CUL2: variants seen among roughly 807,000 people sequenced by gnomAD.
The protein encoded by CUL2 is cullin 2, also known as cullin-2.
Under a neutral mutation model 110.2 loss-of-function variants are expected in CUL2, and 22 were observed. The observed-to-expected ratio is 0.20, with a 90% CI of 0.14 to 0.28. CUL2 has a LOEUF of 0.28. Ranked by LOEUF, CUL2 falls within the 10% of genes least tolerant of loss-of-function variation. The pLI is 1.00. For missense variants in CUL2, 631 were observed against 905.5 expected, an observed-to-expected ratio of 0.70 and a Z score of 3.89; for synonymous variants, 279 against 293.2, an observed-to-expected ratio of 0.95 and a Z score of 0.49.
chr10:35,105,424 TCAAAAAA>T (rs770196070), intron 1 of CUL2, among the ~76,000 whole-genome samples: 15 of 146,640 alleles, frequency 1.0e-4, no homozygotes, highest in East Asian at 4.1e-4. Context: ...AGACACCGTT[TCAAAAAA>T]CAAAAAACAA....
intron 4 of CUL2, among the ~76,000 whole-genome samples, chr10:35,056,741 A>G (rs1564727949): frequency 3.9e-5 from 6 of 152,208 alleles, no homozygotes; most frequent in Admixed American, 2.6e-4. Context: ...TAATTGTCAT[A>G]TTACCATTTA....
chr10:35,045,466 C>T (rs918053619), intron 6 of CUL2, among the ~76,000 whole-genome samples: 2 of 150,248 alleles, frequency 1.3e-5, no homozygotes, highest in African/African-American at 4.9e-5. Flanking sequence ...GTGGTCCCAG[C>T]TACTCTGGAG....
intron 1 of CUL2, among the ~76,000 whole-genome samples, chr10:35,111,332 G>C (rs1403879221): frequency 2.6e-5 from 4 of 151,636 alleles, no homozygotes; most frequent in African/African-American, 4.8e-5. Flanking sequence ...GCTCACTGCA[G>C]CCTCAAACTC....
At chr10:35,021,812 G>A (rs1016765227) in intron 17 of CUL2, among the ~76,000 whole-genome samples, 6 of 141,042 alleles carry the variant, frequency 4.3e-5, no homozygotes, top group African/African-American at 1.6e-4. Context: ...GAGGAGAGGC[G>A]AGGTGGGGTG....
intron 1 of CUL2, among the ~76,000 whole-genome samples, chr10:35,087,393 G>T (rs1032124558): frequency 6.6e-6 from 1 of 152,144 alleles, no homozygotes; most frequent in African/African-American, 2.4e-5. Flanking sequence ...TAAGTTCCAT[G>T]AAGCCAGAAA....
At chr10:35,011,648 G>A (rs2084904807) in intron 20 of CUL2, among the ~76,000 whole-genome samples, 200 bp downstream of exon 20, 1 of 152,126 alleles carries the variant, frequency 6.6e-6, no homozygotes, top group African/African-American at 2.4e-5. Context: ...TTACAGGCAT[G>A]AGCCACTGTG....
At chr10:35,039,922 G>A (rs532545307) in intron 8 of CUL2, among the ~76,000 whole-genome samples, 2 of 152,280 alleles carry the variant, frequency 1.3e-5, no homozygotes, top group South Asian at 4.1e-4. Flanking sequence ...GGAGGCCGAG[G>A]TGGGTGGATC....
rs748186127 is a variant in CUL2 at position 35,012,131 on chromosome 10, G to A, written c.1990-167C>T. On this transcript the variant is annotated intron_variant, in intron 19 of 20. Transcript: ENST00000374749. Reference sequence around the variant, plus strand: ...TTCAGTGACTCGCTCTCAGCTCACCGCAACCTCCATCTCCTGGGTTCATGT... The same window carrying A: ...TTCAGTGACTCGCTCTCAGCTCACCACAACCTCCATCTCCTGGGTTCATGT... Among the ~76,000 whole-genome samples the A allele has an allele frequency of 4.7e-5, 7 of 147,998 alleles. No individual in the cohort carries two copies. The South Asian group carries it at 6.4e-4, about 13-fold the overall frequency.
chr10:35,032,347 CA>C, intron 12 of CUL2, 87 bp downstream of exon 12: 1 of 1,217,300 alleles, frequency 8.2e-7, no homozygotes. Flanking sequence ...AAAAATGCTA[CA>C]AAAACCAAAT....
intron 1 of CUL2, among the ~76,000 whole-genome samples, chr10:35,102,330 G>A (rs554288976): frequency 9.7e-4 from 147 of 152,208 alleles, no homozygotes; most frequent in African/African-American, 3.3e-3. Flanking sequence ...CCAACACTTC[G>A]GGAAGCCAAG....
chr10:35,024,990 C>A, intron 17 of CUL2, 142 bp downstream of exon 17: 1 of 1,197,652 alleles, frequency 8.3e-7, no homozygotes, highest in Non-Finnish European at 1.1e-6. Flanking sequence ...ACTTGGATTT[C>A]ATTGTTAGTT....
intron 17 of CUL2, among the ~76,000 whole-genome samples, chr10:35,021,336 A>C (rs1159780213): frequency 6.7e-6 from 1 of 150,002 alleles, no homozygotes; most frequent in Non-Finnish European, 1.5e-5. Context: ...GGCTCACTGC[A>C]ATCTCCGCCA....
intron 2 of CUL2, among the ~76,000 whole-genome samples, chr10:35,065,728 A>C (rs1332069676): frequency 6.6e-6 from 1 of 152,098 alleles, no homozygotes; most frequent in African/African-American, 2.4e-5. Flanking sequence ...GTGTGGTGGC[A>C]CATGCCTGTA....
At chr10:35,103,333 A>G (rs11010089) in intron 1 of CUL2, among the ~76,000 whole-genome samples, 1 of 53,380 alleles carries the variant, frequency 1.9e-5, no homozygotes, top group African/African-American at 5.9e-5. Context: ...TTTTTTTTTT[A>G]TTTTTTTTTG....
intron 9 of CUL2, among the ~76,000 whole-genome samples, chr10:35,038,525 C>CAAA (rs61022194): frequency 0.21 from 13,377 of 65,082 alleles, 3,633 homozygotes; most frequent in Middle Eastern, 0.25. Context: ...GACTCTGTCT[C>CAAA]AAAAAAAAAA....
At chr10:35,061,489 A>C (rs1006156780) in intron 3 of CUL2, among the ~76,000 whole-genome samples, 4 of 151,850 alleles carry the variant, frequency 2.6e-5, no homozygotes, top group Non-Finnish European at 5.9e-5. Context: ...TCACACTTAT[A>C]ATGTAACCTA....
chr10:35,034,797 G>A (rs936034945), intron 10 of CUL2, among the ~76,000 whole-genome samples: 1 of 152,138 alleles, frequency 6.6e-6, no homozygotes, highest in Admixed American at 6.5e-5. Flanking sequence ...GATATGGAAA[G>A]GAGGCAAATT....
At chr10:35,063,246 C>A (rs1455086433) in intron 2 of CUL2, among the ~76,000 whole-genome samples, 184 bp from the exon 3 acceptor site, 2 of 152,156 alleles carry the variant, frequency 1.3e-5, no homozygotes, top group Non-Finnish European at 1.5e-5. Context: ...ATCTAAGATT[C>A]ATTCACTTAT....
intron 1 of CUL2, among the ~76,000 whole-genome samples, chr10:35,108,714 A>G (rs2087494050): frequency 6.6e-6 from 1 of 152,090 alleles, no homozygotes; most frequent in South Asian, 2.1e-4. Context: ...ATTTCAGTCA[A>G]AGTATTGGCC....
Sources: gnomAD v4.1 joint callset for allele counts (sites outside exome capture counted in the v4.1 genomes callset) on GRCh38, gnomAD v4.1.1 for gene constraint, MANE v1.5 for transcripts, NCBI Gene and HGNC (gene_info 2026-07-23, HGNC 2026-07-21) for gene names.